The following PAX5 variants were observed in gnomAD, a reference collection of about 807,000 sequenced individuals.
PAX5 encodes the protein paired box 5, also known as paired box protein Pax-5.
Under a neutral mutation model 43.7 loss-of-function variants are expected in PAX5, and 9 were observed. The ratio of observed to expected loss-of-function variants is 0.21; its 90% CI spans 0.12 to 0.36. The LOEUF is 0.36. Among genes scored for constraint, PAX5 ranks in the 10% least tolerant of loss-of-function variants. The pLI is 1.00. For missense variants in PAX5, 383 were observed against 532.7 expected (o/e 0.72, Z 2.77); for synonymous variants, 228 against 214.3 (o/e 1.06, Z -0.56).
intron 1 of PAX5, among the ~76,000 whole-genome samples, chr9:37,022,744 G>T (rs1159524499): frequency 6.6e-6 from 1 of 152,194 alleles, no homozygotes; most frequent in African/African-American, 2.4e-5. Flanking sequence ...CTAGAGCCAG[G>T]TCTCTCAAGG....
intron 6 of PAX5, among the ~76,000 whole-genome samples, chr9:36,931,157 C>T (rs974245981): frequency 2.6e-5 from 4 of 152,234 alleles, no homozygotes; most frequent in African/African-American, 9.6e-5. Context: ...CCAACCATTC[C>T]CATTCTGAAG....
chr9:36,898,871 G>C (rs1828118241), intron 7 of PAX5, among the ~76,000 whole-genome samples: 1 of 152,064 alleles, frequency 6.6e-6, no homozygotes, highest in Non-Finnish European at 1.5e-5. Context: ...CTGGGGCAGA[G>C]TCTGGGGGTG....
chr9:36,907,131 C>T (rs1244738886), intron 7 of PAX5, among the ~76,000 whole-genome samples: 1 of 152,180 alleles, frequency 6.6e-6, no homozygotes, highest in Non-Finnish European at 1.5e-5. Flanking sequence ...AACCATACCT[C>T]CAGTTACAAG....
intron 7 of PAX5, among the ~76,000 whole-genome samples, chr9:36,903,694 G>C (rs187941132): frequency 2.8e-4 from 43 of 152,322 alleles, no homozygotes; most frequent in Admixed American, 4.6e-4. Flanking sequence ...CTAAGGCCTG[G>C]TCAGGCTGCA....
At chr9:36,889,942 G>A (rs1241832315) in intron 7 of PAX5, among the ~76,000 whole-genome samples, 4 of 69,504 alleles carry the variant, frequency 5.8e-5, no homozygotes, top group Non-Finnish European at 1.0e-4. Context: ...GTACACTAAC[G>A]GGGGGGGGGG....
intron 7 of PAX5, among the ~76,000 whole-genome samples, chr9:36,885,507 C>T (rs1826836512): frequency 6.6e-6 from 1 of 152,146 alleles, no homozygotes; most frequent in East Asian, 1.9e-4. Flanking sequence ...CTCACAATAG[C>T]CCTATTAGAG....
intron 6 of PAX5, among the ~76,000 whole-genome samples, chr9:36,948,864 C>A (rs934953362): frequency 1.3e-5 from 2 of 152,044 alleles, no homozygotes; most frequent in African/African-American, 4.8e-5. Context: ...CCCACCTGAG[C>A]TTTCTTGATC....
chr9:36,904,124 C>G (rs3780147), intron 7 of PAX5, among the ~76,000 whole-genome samples: 53,508 of 151,806 alleles, frequency 0.35, 10,855 homozygotes, highest in Non-Finnish European at 0.46. Context: ...ATTAGACAAG[C>G]TATTAATAAG....
rs563981753 is a variant in PAX5 at position 36,876,690 on chromosome 9, A to G, written c.1012+5314T>C. Among the ~76,000 whole-genome samples the G allele has an allele frequency of 2.6e-3, 393 of 152,320 alleles. 3 individuals carry two copies. The highest frequency in any genetic ancestry group is 9.3e-3 in the African/African-American group (385 of 41,564). ...TGGGACTTGATGGAAATAAAATTTG[A>G]AAACTGTTTCCTTTCTAAGCTGATA... On this transcript the variant is annotated intron_variant, in intron 8 of 9. Coordinates refer to ENST00000358127, the MANE Select transcript of PAX5 (RefSeq NM_016734.3).
chr9:36,870,007 A>AATGGATGGATGGATGGATGG (rs1168900562), intron 8 of PAX5, among the ~76,000 whole-genome samples: 1 of 10,746 alleles, frequency 9.3e-5, no homozygotes, highest in African/African-American at 2.2e-4. Context: ...TGGATGGATA[A>AATGGATGGATGGATGGATGG]ATGGATGGAT....
In PAX5 at chr9:36,874,728, CT is replaced by C. The variant is rs1241684005; in HGVS notation, c.1012+7275del. ...TGCTCTCATTTCTGACTGGATTCTT[CT>C]CTAGTTGGCTTTCCCATTGATCCAC... is the stretch of plus-strand genomic sequence containing the variant. On this transcript the variant is annotated intron_variant, in intron 8 of 9. Transcript: ENST00000358127. Among the ~76,000 whole-genome samples, 134 of 152,300 alleles carry C rather than the reference CT, an allele frequency of 8.8e-4. 1 individual carries two copies. Among genetic ancestry groups the C allele is most frequent in the Non-Finnish European group, 5.9e-5 (4 of 68,034 alleles).
intron 6 of PAX5, among the ~76,000 whole-genome samples, chr9:36,959,476 T>A (rs1474912486): frequency 6.6e-6 from 1 of 152,256 alleles, no homozygotes; most frequent in Non-Finnish European, 1.5e-5. Flanking sequence ...CCAGTCATTC[T>A]TCCTAGGTAA....
intron 8 of PAX5, among the ~76,000 whole-genome samples, chr9:36,858,956 G>A (rs1344922494): frequency 6.6e-6 from 1 of 152,130 alleles, no homozygotes; most frequent in Non-Finnish European, 1.5e-5. Flanking sequence ...CCCGACCTGC[G>A]CTGCCTGCCA....
intron 9 of PAX5, 40 bp from the exon 10 acceptor site, chr9:36,840,676 G>T: frequency 6.5e-6 from 9 of 1,377,238 alleles, no homozygotes; most frequent in Non-Finnish European, 9.0e-6. Context: ...CAGATCCGGG[G>T]TCCCCTTTCC....
Position 36,925,310 on chromosome 9 carries a change from A to G in PAX5, c.781-1826T>C, listed in dbSNP as rs138260586. On this transcript the variant is annotated intron_variant, in intron 6 of 9. Coordinates refer to ENST00000358127, the MANE Select transcript of PAX5 (RefSeq NM_016734.3). ...CTCATTCATCAAAGGCTGGTTCTGA[A>G]ACATGTGGAGAAGAGCACAGGCCCA... Among the ~76,000 whole-genome samples, 575 of 152,260 alleles carry G rather than the reference A, an allele frequency of 3.8e-3. 3 individuals are homozygous for G. The highest frequency in any genetic ancestry group is 0.012 in the African/African-American group (506 of 41,528).
intron 1 of PAX5, among the ~76,000 whole-genome samples, chr9:37,030,234 G>A (rs1840847329): frequency 6.6e-6 from 1 of 152,206 alleles, no homozygotes; most frequent in Non-Finnish European, 1.5e-5. Context: ...TTTCCCTCTG[G>A]ATAGGGGTGA....
chr9:36,915,345 T>C (rs1442162397), intron 7 of PAX5, among the ~76,000 whole-genome samples: 1 of 152,240 alleles, frequency 6.6e-6, no homozygotes, highest in East Asian at 1.9e-4. Flanking sequence ...TGTGAAAAGA[T>C]AAGTTTCTCA....
In PAX5 at chr9:36,984,498, T is replaced by C. The variant is rs571706728; in HGVS notation, c.605-17774A>G. Among the ~76,000 whole-genome samples the C allele has an allele frequency of 1.8e-4, 25 of 140,180 alleles. No individual in the cohort carries two copies. In the South Asian group the frequency reaches 5.6e-3, roughly 32 times the overall value. 92.0% of individuals were successfully genotyped at this position (140,180 alleles called of 152,430 possible). The stretch of plus-strand genomic sequence containing the variant: ...TCTTGTCACCCAGGCTGGAGTGCAG[T>C]GGCACAATCTCGGCTCACTGCAACC... On this transcript the variant is annotated intron_variant, in intron 5 of 9. Coordinates refer to ENST00000358127, the MANE Select transcript of PAX5 (RefSeq NM_016734.3).
intron 7 of PAX5, among the ~76,000 whole-genome samples, chr9:36,891,925 C>A (rs1298806433): frequency 2.0e-5 from 3 of 152,134 alleles, no homozygotes; most frequent in Non-Finnish European, 2.9e-5. Flanking sequence ...CTGAATTGAC[C>A]GCACCCACCT....
Sources: allele counts gnomAD v4.1 joint callset (sites outside exome capture counted in the v4.1 genomes callset), GRCh38; gene constraint gnomAD v4.1.1; transcripts MANE v1.5; gene names NCBI Gene and HGNC (gene_info 2026-07-23, HGNC 2026-07-21).